The following CSMD1 variants were observed in gnomAD, a reference collection of about 807,000 sequenced individuals.
The protein encoded by CSMD1 is CUB and sushi domain-containing protein 1.
A neutral mutation model predicts 417.5 loss-of-function variants in CSMD1; 213 were observed. That is an observed-to-expected ratio of 0.51 (90% CI 0.46 to 0.57). The LOEUF is 0.57. Ranked by LOEUF, CSMD1 falls within the 20% of genes least tolerant of loss-of-function variation. The pLI is 0.00. For missense variants in CSMD1, 6,923 were observed against 4,529.7 expected (o/e 1.53, Z -15.17); for synonymous variants, 2,862 against 1,736.8 (o/e 1.65, Z -16.11).
At chr8:3,113,821 C>G (rs867329472) in intron 42 of CSMD1, among the ~76,000 whole-genome samples, 2 of 152,148 alleles carry the variant, frequency 1.3e-5, no homozygotes, top group Non-Finnish European at 2.9e-5. Flanking sequence ...GGCGGAGGTA[C>G]AAGGAAACAT....
intron 1 of CSMD1, among the ~76,000 whole-genome samples, chr8:4,638,070 G>A (rs1432402270): frequency 6.6e-6 from 1 of 152,174 alleles, no homozygotes; most frequent in African/African-American, 2.4e-5. Flanking sequence ...CAAATTAAAA[G>A]AAAATATGCA....
intron 10 of CSMD1, among the ~76,000 whole-genome samples, chr8:3,511,213 T>C (rs917800151): frequency 2.0e-5 from 3 of 151,572 alleles, no homozygotes; most frequent in Non-Finnish European, 4.4e-5. Context: ...GGGAATATCA[T>C]ACACCAGGGC....
At chr8:3,498,712 T>G (rs1349656720) in intron 10 of CSMD1, among the ~76,000 whole-genome samples, 1 of 152,208 alleles carries the variant, frequency 6.6e-6, no homozygotes, top group Admixed American at 6.5e-5. Context: ...TTTGTCTGAC[T>G]GGCTTATTCC....
intron 1 of CSMD1, among the ~76,000 whole-genome samples, chr8:4,931,216 C>G (rs1455082763): frequency 6.6e-6 from 1 of 152,050 alleles, no homozygotes; most frequent in Non-Finnish European, 1.5e-5. Flanking sequence ...TAACTCACTC[C>G]CCTTTTTTTA....
intron 10 of CSMD1, among the ~76,000 whole-genome samples, chr8:3,572,026 G>A (rs868144556): frequency 6.6e-6 from 1 of 152,176 alleles, no homozygotes; most frequent in Non-Finnish European, 1.5e-5. Flanking sequence ...AGACGCGAAA[G>A]AAGGGGATGG....
chr8:3,000,193 C>A, intron 52 of CSMD1, 62 bp from the exon 53 acceptor site: 2 of 1,240,138 alleles, frequency 1.6e-6, no homozygotes, highest in Non-Finnish European at 2.2e-6. Flanking sequence ...GTAGTACATT[C>A]ACAACTTTTA....
intron 7 of CSMD1, among the ~76,000 whole-genome samples, chr8:3,707,013 G>C (rs1230326812): frequency 1.3e-5 from 2 of 151,600 alleles, no homozygotes; most frequent in Admixed American, 1.3e-4. Context: ...TCTTTTGGAA[G>C]TGGGAGACAC....
intron 3 of CSMD1, among the ~76,000 whole-genome samples, chr8:4,309,976 A>G (rs999434640): frequency 2.0e-5 from 3 of 152,160 alleles, no homozygotes; most frequent in African/African-American, 7.2e-5. Context: ...ATAGTGCTTT[A>G]TTTTCACACC....
Position 3,100,563 on chromosome 8 carries a change from G to A in CSMD1, c.6950-3526C>T, listed in dbSNP as rs79461735. Among the ~76,000 whole-genome samples the A allele has an allele frequency of 2.6e-5, 4 of 152,262 alleles. No individual in the cohort carries two copies. In the East Asian group the frequency reaches 7.7e-4, roughly 29 times the overall value. On this transcript the variant is annotated intron_variant, in intron 46 of 69. Transcript: ENST00000635120. ...AACTGTGTCTCCACTTGGGAATCTG[G>A]GAAACCTCTCACCATAGGGGAGCAC...
At chr8:4,604,685 G>A (rs1800775451) in intron 2 of CSMD1, among the ~76,000 whole-genome samples, 1 of 152,018 alleles carries the variant, frequency 6.6e-6, no homozygotes, top group East Asian at 1.9e-4. Context: ...TCCAAACTAT[G>A]TCTCCTACTT....
intron 1 of CSMD1, among the ~76,000 whole-genome samples, chr8:4,902,241 C>G (rs2117048151): frequency 6.6e-6 from 1 of 151,452 alleles, no homozygotes; most frequent in Non-Finnish European, 1.5e-5. Flanking sequence ...AAGACTCCAT[C>G]CATTAAAAAG....
At chr8:4,237,937 A>C (rs1802164996) in intron 3 of CSMD1, among the ~76,000 whole-genome samples, 1 of 152,168 alleles carries the variant, frequency 6.6e-6, no homozygotes, top group South Asian at 2.1e-4. Context: ...ACTGGCGGAG[A>C]AGCAGAGTCT....
intron 5 of CSMD1, among the ~76,000 whole-genome samples, chr8:3,847,194 C>A (rs890815061): frequency 1.3e-5 from 2 of 152,114 alleles, no homozygotes; most frequent in Non-Finnish European, 1.5e-5. Context: ...GGCGCGGTGT[C>A]ACTCTTACCA....
At chr8:4,062,115 G>C (rs1799003700) in intron 3 of CSMD1, among the ~76,000 whole-genome samples, 2 of 152,206 alleles carry the variant, frequency 1.3e-5, no homozygotes, top group African/African-American at 4.8e-5. Flanking sequence ...TGCATGGAGG[G>C]TCAGCAGAGG....
At chr8:4,402,877 C>T (rs1055402028) in intron 3 of CSMD1, among the ~76,000 whole-genome samples, 5 of 132,914 alleles carry the variant, frequency 3.8e-5, no homozygotes, top group Non-Finnish European at 7.6e-5. Flanking sequence ...TGGAGTGCAG[C>T]GGCGCAATCT....
intron 1 of CSMD1, among the ~76,000 whole-genome samples, chr8:4,688,502 T>C (rs113972008): frequency 0.048 from 7,273 of 152,122 alleles, 532 homozygotes; most frequent in African/African-American, 0.16. Flanking sequence ...GCAAAATGCA[T>C]TGAACTTCAT....
At chr8:4,770,429 C>A (rs1160590487) in intron 1 of CSMD1, among the ~76,000 whole-genome samples, 2 of 149,698 alleles carry the variant, frequency 1.3e-5, no homozygotes, top group African/African-American at 4.9e-5. Context: ...TTATCAAAAT[C>A]CCAATAGCAT....
At chr8:4,014,349 C>G (rs528052552) in intron 4 of CSMD1, among the ~76,000 whole-genome samples, 2 of 152,280 alleles carry the variant, frequency 1.3e-5, no homozygotes, top group South Asian at 4.1e-4. Flanking sequence ...AGAAAATAAT[C>G]TGTAAAATAT....
chr8:4,717,246 T>C (rs528204915), intron 1 of CSMD1, among the ~76,000 whole-genome samples: 5 of 150,920 alleles, frequency 3.3e-5, no homozygotes, highest in South Asian at 4.2e-4. Context: ...ACCTTGGTAA[T>C]GGCAGGATGA....
Sources: gnomAD v4.1 joint callset for allele counts (sites outside exome capture counted in the v4.1 genomes callset) on GRCh38, gnomAD v4.1.1 for gene constraint, MANE v1.5 for transcripts, NCBI Gene and HGNC (gene_info 2026-07-23, HGNC 2026-07-21) for gene names.